The following DIP2C variants were observed in gnomAD, a reference collection of about 807,000 sequenced individuals.
DIP2C encodes the protein DIP2 acetate--CoA ligase C (putative).
A neutral mutation model predicts 192.4 loss-of-function variants in DIP2C; 33 were observed. The observed-to-expected ratio is 0.17, with a 90% CI of 0.13 to 0.23. DIP2C has a LOEUF of 0.23. Ranked by LOEUF, DIP2C falls within the 10% of genes least tolerant of loss-of-function variation. The pLI is 1.00. For missense variants in DIP2C, 1,537 were observed against 2,110.1 expected (o/e 0.73, Z 5.32); for synonymous variants, 979 against 864.1 (o/e 1.13, Z -2.33).
At chr10:582,401 C>T (rs375296174) in intron 1 of DIP2C, among the ~76,000 whole-genome samples, 2 of 152,186 alleles carry the variant, frequency 1.3e-5, no homozygotes, top group East Asian at 3.8e-4. Context: ...GGCAACATAA[C>T]AAGACCCCAT....
intron 1 of DIP2C, among the ~76,000 whole-genome samples, chr10:556,571 C>CA (rs1823763426): frequency 6.6e-6 from 1 of 151,324 alleles, no homozygotes; most frequent in South Asian, 2.1e-4. Flanking sequence ...CTCACAGACC[C>CA]AGTCACTCCA....
intron 10 of DIP2C, among the ~76,000 whole-genome samples, chr10:392,706 G>A (rs1377133477): frequency 2.0e-5 from 3 of 147,604 alleles, no homozygotes; most frequent in African/African-American, 7.8e-5. Flanking sequence ...ACACATACGT[G>A]CCCAGGTACA....
At chr10:307,176 G>A (rs1956362044) in intron 32 of DIP2C, among the ~76,000 whole-genome samples, 1 of 152,214 alleles carries the variant, frequency 6.6e-6, no homozygotes, top group African/African-American at 2.4e-5. Flanking sequence ...GCAGAACTGT[G>A]TGCCAAATAC....
At chr10:301,106 G>A (rs1052324907) in intron 32 of DIP2C, among the ~76,000 whole-genome samples, 24 of 152,136 alleles carry the variant, frequency 1.6e-4, no homozygotes, top group Admixed American at 4.6e-4. Flanking sequence ...GGGTGGGGTC[G>A]TAGGTGGCCT....
chr10:599,094 A>C (rs1410709486), intron 1 of DIP2C, among the ~76,000 whole-genome samples: 1 of 152,198 alleles, frequency 6.6e-6, no homozygotes, highest in Admixed American at 6.5e-5. Context: ...TCCAGAAGCC[A>C]CAGCCACTCT....
At chr10:383,566 G>A (rs529211884) in intron 16 of DIP2C, among the ~76,000 whole-genome samples, 10 of 152,232 alleles carry the variant, frequency 6.6e-5, no homozygotes, top group Non-Finnish European at 7.4e-5. Flanking sequence ...CATTTAAAAC[G>A]ACAAATTAAT....
intron 10 of DIP2C, among the ~76,000 whole-genome samples, chr10:393,672 A>G (rs1474296605): frequency 3.3e-5 from 5 of 150,014 alleles, no homozygotes; most frequent in African/African-American, 9.8e-5. Context: ...CCAGCTACTC[A>G]GGAGGCTGAG....
At chr10:377,023 T>C (rs1307616135) in intron 17 of DIP2C, among the ~76,000 whole-genome samples, 2 of 152,188 alleles carry the variant, frequency 1.3e-5, no homozygotes, top group Admixed American at 6.5e-5. Context: ...AATGTAATAT[T>C]CTTCCTTTTC....
chr10:502,657 ACAGTC>A (rs1845318386), intron 1 of DIP2C, among the ~76,000 whole-genome samples: 1 of 152,208 alleles, frequency 6.6e-6, no homozygotes, highest in Non-Finnish European at 1.5e-5. Context: ...GTCACAGCAC[ACAGTC>A]AAAGTGTACT....
At chr10:507,386 C>T (rs1845683283) in intron 1 of DIP2C, among the ~76,000 whole-genome samples, 2 of 151,810 alleles carry the variant, frequency 1.3e-5, no homozygotes, top group Admixed American at 1.3e-4. Context: ...AGGTTACAGA[C>T]CTAGTCACCA....
At chr10:638,054 C>T (rs1325066803) in intron 1 of DIP2C, among the ~76,000 whole-genome samples, 2 of 152,186 alleles carry the variant, frequency 1.3e-5, no homozygotes, top group Admixed American at 1.3e-4. Context: ...CTTCTGAAGC[C>T]CCCGAGACAC....
intron 5 of DIP2C, among the ~76,000 whole-genome samples, chr10:419,617 C>T (rs1589753116): frequency 6.6e-6 from 1 of 152,126 alleles, no homozygotes; most frequent in Admixed American, 6.5e-5. Flanking sequence ...TGGGATGTCC[C>T]TTAAGCTCTC....
Position 283,443 on chromosome 10 carries a change from A to G in DIP2C, c.4123T>C (p.Trp1375Arg). ...PLGDSHLGEI[W>R]VHSAHNASGY... ...CTGGCATTGTGGGCACTGTGAACCC[A>G]AATCTGCAAACGGAGGGAAATGTCA... The change falls in exon 35 of 37, where the codon TGG (tryptophan) becomes CGG (arginine). Residue 1375 changes from tryptophan (W) to arginine (R), a missense_variant. By Grantham distance (101) the Trp-to-Arg change is moderately radical. This residue lies in a region of DIP2C where 341 missense variants were observed against 551.7 expected (regional missense o/e 0.62). Transcript: ENST00000280886. 1 of 1,613,990 alleles carries G rather than the reference A, an allele frequency of 6.2e-7. No individual in the cohort carries two copies. Among genetic ancestry groups the G allele is most frequent in the Non-Finnish European group, 8.5e-7 (1 of 1,179,926 alleles).
At chr10:631,947 A>C (rs1854543840) in intron 1 of DIP2C, among the ~76,000 whole-genome samples, 1 of 152,254 alleles carries the variant, frequency 6.6e-6, no homozygotes, top group Non-Finnish European at 1.5e-5. Context: ...TGTAACCCAC[A>C]TGCTGATAAA....
At chr10:309,333 G>A (rs1176985581) in intron 32 of DIP2C, among the ~76,000 whole-genome samples, 1 of 152,014 alleles carries the variant, frequency 6.6e-6, no homozygotes, top group Non-Finnish European at 1.5e-5. Context: ...GCCACATAGA[G>A]AAGGTAACCT....
chr10:594,705 G>C (rs986351318), intron 1 of DIP2C, among the ~76,000 whole-genome samples: 3 of 152,134 alleles, frequency 2.0e-5, no homozygotes, highest in Admixed American at 2.0e-4. Context: ...CCCTAGTGAA[G>C]GGCAGGTCTC....
At chr10:631,916 TTAAA>T (rs1463282266) in intron 1 of DIP2C, among the ~76,000 whole-genome samples, 2 of 152,358 alleles carry the variant, frequency 1.3e-5, no homozygotes, top group South Asian at 2.1e-4. Context: ...TAATTTTCCA[TTAAA>T]TAAATAGTCA....
At chr10:600,931 C>T (rs1485265484) in intron 1 of DIP2C, among the ~76,000 whole-genome samples, 6 of 152,142 alleles carry the variant, frequency 3.9e-5, no homozygotes, top group African/African-American at 1.4e-4. Context: ...GTTACAGAAA[C>T]CACATCTTCC....
At chr10:665,718 T>G (rs1052629103) in intron 1 of DIP2C, 7 of 152,122 alleles carry the variant, frequency 4.6e-5, no homozygotes, top group African/African-American at 1.7e-4. Flanking sequence ...CACTGGAAAA[T>G]CCCTGAGCAA....
Sources: gnomAD v4.1 joint callset for allele counts (sites outside exome capture counted in the v4.1 genomes callset) on GRCh38, gnomAD v4.1.1 for gene constraint, gnomAD v4.1.1 regional missense constraint, MANE v1.5 for transcripts, NCBI Gene and HGNC (gene_info 2026-07-23, HGNC 2026-07-21) for gene names.